The following LRRC18 variants were observed in gnomAD, a reference collection of about 807,000 sequenced individuals.
LRRC18 encodes leucine-rich repeat-containing protein 18.
In LRRC18, 12 loss-of-function variants were observed where a neutral mutation model predicts 11.2. That is an observed-to-expected ratio of 1.07 (90% confidence interval 0.69 to 1.74). The LOEUF is 1.74. LRRC18 is among the 40% of genes most tolerant of loss of function. The pLI is 0.00. For synonymous variants in LRRC18, 155 were observed against 130.6 expected (o/e 1.19, Z -1.27); for missense variants, 374 against 330.5 (o/e 1.13, Z -1.02).
the LRRC18 span, among the ~76,000 whole-genome samples, chr10:48,923,475 G>T: frequency 2.2e-5 from 3 of 135,534 alleles, no homozygotes; most frequent in Non-Finnish European, 1.6e-5. Flanking sequence ...TGAGCTTCAG[G>T]TAAACAACAA....
chr10:48,922,876 T>C, the LRRC18 span, among the ~76,000 whole-genome samples: 1 of 152,074 alleles, frequency 6.6e-6, no homozygotes, highest in Non-Finnish European at 1.5e-5. Flanking sequence ...GTTGCAGGGA[T>C]TAGGGGTTGG....
chr10:48,920,534 A>T, the LRRC18 span, among the ~76,000 whole-genome samples: 1 of 152,368 alleles, frequency 6.6e-6, no homozygotes, highest in South Asian at 2.1e-4. Flanking sequence ...AATTGAAAAA[A>T]AAGAAAAAAA....
the LRRC18 span, chr10:48,935,241 GA>G: frequency 1.3e-5 from 2 of 152,254 alleles, no homozygotes; most frequent in African/African-American, 4.8e-5. Context: ...AGAGACTTAG[GA>G]CCTGGAGGTC....
the LRRC18 span, among the ~76,000 whole-genome samples, chr10:48,919,317 A>G: frequency 6.6e-6 from 1 of 152,366 alleles, no homozygotes; most frequent in East Asian, 1.9e-4. Flanking sequence ...AAGATCAACT[A>G]AAAACTACTA....
At chr10:48,935,234 G>C in the LRRC18 span, 8 of 152,314 alleles carry the variant, frequency 5.3e-5, no homozygotes, top group African/African-American at 1.9e-4. Flanking sequence ...GGCAACAAGA[G>C]ACTTAGGACC....
At chr10:48,937,973 C>T in the LRRC18 span, among the ~76,000 whole-genome samples, 1 of 152,236 alleles carries the variant, frequency 6.6e-6, no homozygotes, top group African/African-American at 2.4e-5. Context: ...ACATTCCCTA[C>T]CCAGGAAGCC....
the LRRC18 span, among the ~76,000 whole-genome samples, chr10:48,931,872 G>A: frequency 5.3e-5 from 8 of 152,198 alleles, no homozygotes; most frequent in Admixed American, 2.0e-4. Context: ...CTATTGCCAG[G>A]AGAATTGAGA....
In LRRC18 at chr10:48,913,362, C is replaced by T. The variant is rs80176262; in HGVS notation, c.764+30G>A. 8.8e-5 allele frequency: 140 copies of T among 1,594,248 alleles called. No homozygotes were observed. In the African/African-American group the frequency reaches 1.7e-3, roughly 20 times the overall value. ...CCCTCTTCCCTCCCTCTCTCTTTCCCTTCTGCCTCAGGGTCAGGTTCCAAG... is the reference window on the plus strand; with the variant it reads ...CCCTCTTCCCTCCCTCTCTCTTTCCTTTCTGCCTCAGGGTCAGGTTCCAAG... On this transcript the variant is annotated intron_variant, in intron 1 of 1. Transcript: ENST00000374160.
chr10:48,917,633 G>A (rs1182503007), upstream of LRRC18, among the ~76,000 whole-genome samples: 1 of 152,202 alleles, frequency 6.6e-6, no homozygotes, highest in East Asian at 1.9e-4. Flanking sequence ...AACCCAGACT[G>A]TGACAGTATC....
At chr10:48,928,388 G>GTGTT in the LRRC18 span, among the ~76,000 whole-genome samples, 1 of 150,896 alleles carries the variant, frequency 6.6e-6, no homozygotes, top group Non-Finnish European at 1.5e-5. Context: ...GTGTGTGTGT[G>GTGTT]TGTGTGTGTT....
In LRRC18 at chr10:48,913,723, C is replaced by A. The variant is rs898631842; in HGVS notation, c.433G>T (p.Glu145Ter). 6.2e-7 allele frequency: 1 copy of A among 1,613,056 alleles called. No homozygotes were observed. The highest frequency in any genetic ancestry group is 2.2e-5 in the East Asian group (1 of 44,836). The stretch of plus-strand genomic sequence containing the variant: ...TCATGGAGCCCTACCTCGTGGAGCT[C>A]CTTCAGGGCCCCCAGTGTGGTGGGC... The change falls in exon 1 of 2, where the codon GAG (glutamate) becomes TAG (stop). Residue 145 changes from glutamate to a stop codon, truncating the protein, a stop_gained. Transcript: ENST00000374160. LOFTEE classifies it high-confidence loss of function.
At chr10:48,937,860 T>C in the LRRC18 span, among the ~76,000 whole-genome samples, 1 of 152,028 alleles carries the variant, frequency 6.6e-6, no homozygotes, top group South Asian at 2.1e-4. Flanking sequence ...TTAGGAGAAA[T>C]AAATGGGGAG....
At chr10:48,923,493 T>TTGGTATA in the LRRC18 span, among the ~76,000 whole-genome samples, 1 of 135,492 alleles carries the variant, frequency 7.4e-6, no homozygotes, top group African/African-American at 2.8e-5. Context: ...CAAATAGTTT[T>TTGGTATA]TAGTATATAT....
At chr10:48,913,622 G>A (rs1838217286) in exon 1 of LRRC18, 4 of 1,614,130 alleles carry the variant, frequency 2.5e-6, no homozygotes, top group Middle Eastern at 1.6e-4. Flanking sequence ...GCTTTGGAAA[G>A]GGGTTCCGCT....
chr10:48,919,721 C>G, the LRRC18 span, among the ~76,000 whole-genome samples: 1 of 152,202 alleles, frequency 6.6e-6, no homozygotes, highest in Admixed American at 6.5e-5. Flanking sequence ...GAAGTCTCCA[C>G]CCTCAAGATC....
chr10:48,934,415 G>A, the LRRC18 span, among the ~76,000 whole-genome samples: 1 of 152,186 alleles, frequency 6.6e-6, no homozygotes, highest in East Asian at 1.9e-4. Context: ...GGGGGATACA[G>A]CAATTGAGGC....
At chr10:48,914,275 G>A, upstream of LRRC18, 1 of 1,063,376 alleles carries the variant, frequency 9.4e-7, no homozygotes, top group Middle Eastern at 3.1e-4. Context: ...GATGCCAGAG[G>A]GCACTGGGCT....
the LRRC18 span, among the ~76,000 whole-genome samples, chr10:48,919,978 C>A: frequency 6.6e-6 from 1 of 152,090 alleles, no homozygotes; most frequent in Non-Finnish European, 1.5e-5. Flanking sequence ...GACCAATATT[C>A]TTCATGAACA....
the LRRC18 span, among the ~76,000 whole-genome samples, chr10:48,930,207 GC>G: frequency 6.6e-6 from 1 of 152,190 alleles, no homozygotes; most frequent in Non-Finnish European, 1.5e-5. Context: ...AGATTTCATA[GC>G]TGAGAGTCAG....
Sources: gnomAD v4.1 joint callset for allele counts (sites outside exome capture counted in the v4.1 genomes callset) on GRCh38, gnomAD v4.1.1 for gene constraint, MANE v1.5 for transcripts, NCBI Gene and HGNC (gene_info 2026-07-23, HGNC 2026-07-21) for gene names.